The following PHYKPL variants were observed in gnomAD, a reference collection of about 807,000 sequenced individuals.
The protein encoded by PHYKPL is 5-phosphohydroxy-L-lysine phospho-lyase, also known as 5-phosphonooxy-L-lysine phospho-lyase.
A neutral mutation model predicts 51.3 loss-of-function variants in PHYKPL; 42 were observed. The observed-to-expected ratio is 0.82, with a 90% CI of 0.64 to 1.06. The LOEUF is 1.06. Ranked by LOEUF, PHYKPL falls within the 50% of genes least tolerant of loss-of-function variation. PHYKPL has a pLI of 0.00. For missense variants in PHYKPL, 655 were observed against 586.6 expected, an observed-to-expected ratio of 1.12 and a Z score of -1.20; for synonymous variants, 264 against 236.0, an observed-to-expected ratio of 1.12 and a Z score of -1.09.
intron 3 of PHYKPL, among the ~76,000 whole-genome samples, chr5:178,229,016 CTGGGTACCATATCCT>C (rs1450044474): frequency 6.6e-6 from 1 of 152,082 alleles, no homozygotes; most frequent in Admixed American, 6.6e-5. Flanking sequence ...CTCAAGTGTG[CTGGGTACCATATCCT>C]TTCCTGCTAC....
chr5:178,212,168 G>C (rs1010818051), intron 11 of PHYKPL, among the ~76,000 whole-genome samples, 198 bp from the exon 12 acceptor site: 4 of 152,332 alleles, frequency 2.6e-5, no homozygotes, highest in South Asian at 4.1e-4. Flanking sequence ...AGATTTGTAG[G>C]CTCTGTCCAG....
At chr5:178,222,627 T>A (rs555432504) in intron 7 of PHYKPL, 47 bp from the exon 8 acceptor site, 1 of 1,595,462 alleles carries the variant, frequency 6.3e-7, no homozygotes, top group East Asian at 2.2e-5. Context: ...TTGAGAGGGA[T>A]AAGATCAGGA....
rs573140258 is a variant in PHYKPL at position 178,224,531 on chromosome 5, G to T, written c.535C>A (p.Arg179=). The T allele has an allele frequency of 1.9e-6, 3 of 1,613,956 alleles. No individual in the cohort carries two copies. Among genetic ancestry groups the T allele is most frequent in the Admixed American group, 1.7e-5 (1 of 60,006 alleles). Residue 179 remains arginine (R), a synonymous_variant, in exon 6 of 13, where the codon CGG becomes AGG. Transcript: ENST00000308158. ...PLPDTYRGPY[R]EDHPNPAMAY... ...ATAGCTGGGTTGGGGTGGTCCTCCCGGTAGGGGCCCCGGTAGGTGTCTGGG... is the reference window on the plus strand; with the variant it reads ...ATAGCTGGGTTGGGGTGGTCCTCCCTGTAGGGGCCCCGGTAGGTGTCTGGG...
intron 6 of PHYKPL, 162 bp downstream of exon 6, chr5:178,224,286 A>C (rs1197103542): frequency 1.3e-6 from 1 of 769,704 alleles, no homozygotes; most frequent in African/African-American, 1.8e-5. Context: ...TAGGCCGTGC[A>C]CTCAGACTCT....
rs1334908301 is a variant in PHYKPL at position 178,225,352 on chromosome 5, T to TA, written c.413+2dup. ...GAACGGTAGGGCTGTGAGTTGCACT[T>TA]ACTGATCTAATACCACCACGTCCTG... On this transcript the variant is annotated splice_region_variant and intron_variant, in intron 4 of 12. Coordinates refer to ENST00000308158, the MANE Select transcript of PHYKPL (RefSeq NM_153373.4). 6.2e-7 allele frequency: 1 copy of TA among 1,614,198 alleles called. No homozygotes were observed. Among genetic ancestry groups the TA allele is most frequent in the Non-Finnish European group, 8.5e-7 (1 of 1,180,032 alleles).
chr5:178,207,667 G>C (rs1757135326), downstream of PHYKPL, among the ~76,000 whole-genome samples: 3 of 137,466 alleles, frequency 2.2e-5, no homozygotes, highest in South Asian at 7.0e-4. Flanking sequence ...CCAAGTCTTT[G>C]TCCACTTCCA....
chr5:178,224,681 C>T lies in PHYKPL; in HGVS notation c.462G>A (p.Lys154=), dbSNP rs748497650. ...CCTTCTGGCCATCCAGGTTGCGGAA[C>T]TTGTAGGGACTGATGTCAATCAGGG... is the stretch of plus-strand genomic sequence containing the variant. ...LSSLIDISPY[K]FRNLDGQKEW... is the part of the protein sequence containing the mutation. Residue 154 remains lysine, a synonymous_variant, in exon 5 of 13, where the codon AAG becomes AAA. Transcript: ENST00000308158. 3 of 1,614,222 alleles carry T rather than the reference C, an allele frequency of 1.9e-6. No homozygotes were observed. The highest frequency in any genetic ancestry group is 1.3e-5 in the African/African-American group (1 of 75,070).
At chr5:178,215,460 G>A in intron 8 of PHYKPL, 30 bp from the exon 9 acceptor site, 2 of 1,588,978 alleles carry the variant, frequency 1.3e-6, no homozygotes, top group Non-Finnish European at 1.7e-6. Flanking sequence ...CATGTCAGAT[G>A]CCCTGGCAGA....
At chr5:178,218,073 C>T (rs1457254361) in intron 8 of PHYKPL, among the ~76,000 whole-genome samples, 8 of 106,030 alleles carry the variant, frequency 7.5e-5, no homozygotes, top group Non-Finnish European at 1.3e-4. Context: ...AAAAATTAGC[C>T]GGGCGTGGTA....
intron 3 of PHYKPL, among the ~76,000 whole-genome samples, chr5:178,229,456 T>C (rs1347246091): frequency 2.6e-5 from 4 of 152,282 alleles, no homozygotes; most frequent in African/African-American, 9.6e-5. Flanking sequence ...CCTCCTCTTC[T>C]AGTTATCTCC....
At chr5:178,229,253 C>T (rs1339387972) in intron 3 of PHYKPL, among the ~76,000 whole-genome samples, 1 of 152,040 alleles carries the variant, frequency 6.6e-6, no homozygotes, top group Non-Finnish European at 1.5e-5. Context: ...TTACAGGCAC[C>T]CACCACCACG....
At chr5:178,210,366 TCAGA>T in intron 12 of PHYKPL, 3 of 1,594,432 alleles carry the variant, frequency 1.9e-6, no homozygotes, top group Non-Finnish European at 2.6e-6. Flanking sequence ...GGCTTTGGAG[TCAGA>T]CAGGCCTGGC....
At chr5:178,212,848 T>G (rs1758887971) in intron 11 of PHYKPL, 125 bp downstream of exon 11, 2 of 1,338,782 alleles carry the variant, frequency 1.5e-6, no homozygotes, top group Admixed American at 2.2e-5. Context: ...CTCCCTGCCC[T>G]GTCCAGAGGA....
At position 178,218,079 on chromosome 5, in the gene PHYKPL, T is replaced by A. The variant is rs1366900653; in HGVS notation, c.928-2649A>T. 1.8e-5 allele frequency among the ~76,000 whole-genome samples: 2 copies of A among 109,968 alleles called. 1 individual carries two copies. The highest frequency in any genetic ancestry group is 3.6e-5 in the Non-Finnish European group (2 of 55,794). 72.1% of individuals were successfully genotyped at this position (109,968 alleles called of 152,430 possible). ...AAAAAATACAAAAATTAGCCGGGCGTGGTAGCGGGCGCCTGTAGTCCCAGC... is the reference window on the plus strand; with the variant it reads ...AAAAAATACAAAAATTAGCCGGGCGAGGTAGCGGGCGCCTGTAGTCCCAGC... On this transcript the variant is annotated intron_variant, in intron 8 of 12. Transcript: ENST00000308158.
chr5:178,220,512 A>G (rs1581280849), intron 8 of PHYKPL, among the ~76,000 whole-genome samples: 1 of 152,158 alleles, frequency 6.6e-6, no homozygotes, highest in Non-Finnish European at 1.5e-5. Flanking sequence ...AACAAAAACA[A>G]AAAAGGATAT....
At position 178,232,574 on chromosome 5, in the gene PHYKPL, C is replaced by T. The variant is rs887968249; in HGVS notation, c.-24G>A. The stretch of plus-strand genomic sequence containing the variant: ...ATGGTGGGTGGCCGTCAGTCGGTGC[C>T]GTGACGCCACGCGGAGACGTCGCCG... On this transcript the variant is annotated 5_prime_UTR_variant, in exon 1 of 13. Coordinates refer to ENST00000308158, the MANE Select transcript of PHYKPL (RefSeq NM_153373.4). The T allele has an allele frequency of 8.0e-7, 1 of 1,256,042 alleles. No individual in the cohort carries two copies. Among genetic ancestry groups the T allele is most frequent in the South Asian group, 3.1e-5 (1 of 31,800 alleles). 77.8% of individuals were successfully genotyped at this position (1,256,042 alleles called of 1,614,324 possible).
intron 8 of PHYKPL, among the ~76,000 whole-genome samples, chr5:178,218,044 C>T (rs1455527637): frequency 1.5e-5 from 2 of 134,740 alleles, no homozygotes; most frequent in Non-Finnish European, 3.1e-5. Flanking sequence ...GGTGAAACCC[C>T]GTCTCTACTA....
At chr5:178,228,673 C>A in intron 3 of PHYKPL, 1 of 698,166 alleles carries the variant, frequency 1.4e-6, no homozygotes, top group South Asian at 1.5e-5. Flanking sequence ...CCACAGTAAT[C>A]ATCACTATAA....
Position 178,210,309 on chromosome 5 carries a change from C to T in PHYKPL, c.*32-1394G>A, listed in dbSNP as rs370721291. 1.2e-4 allele frequency: 186 copies of T among 1,613,560 alleles called. 1 individual carries two copies. In the African/African-American group the frequency reaches 1.9e-3, roughly 16 times the overall value. ...AGAGGGAGGCCCCATCCGCTCACCC[C>T]TCGTCCCCAGGGGAGGCAGGACAGT... On this transcript the variant is annotated intron_variant, in intron 12 of 12. Coordinates refer to ENST00000308158, the MANE Select transcript of PHYKPL (RefSeq NM_153373.4).
Sources: gnomAD v4.1 joint callset for allele counts (sites outside exome capture counted in the v4.1 genomes callset) on GRCh38, gnomAD v4.1.1 for gene constraint, MANE v1.5 for transcripts, NCBI Gene and HGNC (gene_info 2026-07-23, HGNC 2026-07-21) for gene names.